PDE4D: variants seen among roughly 807,000 people sequenced by gnomAD.
PDE4D encodes phosphodiesterase 4D, also known as 3',5'-cyclic-AMP phosphodiesterase 4D.
A neutral mutation model predicts 87.4 loss-of-function variants in PDE4D; 24 were observed. The ratio of observed to expected loss-of-function variants is 0.27; its 90% CI spans 0.20 to 0.39. The LOEUF is 0.39. Ranked by LOEUF, PDE4D falls within the 10% of genes least tolerant of loss-of-function variation. The probability of loss-of-function intolerance (pLI) is 1.00; values close to 1 mark genes in which losing one functional copy is unlikely to be tolerated. For missense variants in PDE4D, 714 were observed against 1,041.0 expected, an observed-to-expected ratio of 0.69 and a Z score of 4.32; for synonymous variants, 384 against 383.2, an observed-to-expected ratio of 1.00 and a Z score of -0.02.
At chr5:59,346,435 T>C (rs1329230498) in intron 1 of PDE4D, among the ~76,000 whole-genome samples, 1 of 150,838 alleles carries the variant, frequency 6.6e-6, no homozygotes, top group Admixed American at 6.6e-5. Flanking sequence ...CTGCGAGACT[T>C]TTTTTTTTAA....
At chr5:60,086,986 C>A (rs1774602545) in intron 2 of PDE4D, among the ~76,000 whole-genome samples, 3 of 152,336 alleles carry the variant, frequency 2.0e-5, no homozygotes, top group South Asian at 4.1e-4. Flanking sequence ...CCAGGTGGAG[C>A]TTTCCCCTGG....
chr5:59,493,161 A>C (rs918283571), intron 1 of PDE4D, among the ~76,000 whole-genome samples: 1 of 152,138 alleles, frequency 6.6e-6, no homozygotes, highest in Non-Finnish European at 1.5e-5. Flanking sequence ...TTTTTATTGC[A>C]ATATTTTAGG....
At chr5:59,466,934 G>A (rs767390483) in intron 1 of PDE4D, among the ~76,000 whole-genome samples, 1 of 152,090 alleles carries the variant, frequency 6.6e-6, no homozygotes, top group Non-Finnish European at 1.5e-5. Flanking sequence ...TGAAGTCCTC[G>A]TACCTCAGAA....
Position 59,932,811 on chromosome 5 carries a change from A to G in PDE4D, c.272+55677T>C, listed in dbSNP as rs182413290. On this transcript the variant is annotated intron_variant, in intron 3 of 16. Coordinates refer to the PDE4D transcript ENST00000502484. ...ACATGGAGGGAAACATTTCAGATGA[A>G]GAGATTAGTCAACAAAATTGGGAAA... 1.1e-4 allele frequency among the ~76,000 whole-genome samples: 17 copies of G among 152,358 alleles called. No individual in the cohort carries two copies. In the East Asian group the frequency reaches 3.3e-3, roughly 29 times the overall value.
chr5:59,984,171 C>G (rs1264649197), intron 3 of PDE4D, among the ~76,000 whole-genome samples: 2 of 152,070 alleles, frequency 1.3e-5, no homozygotes, highest in Non-Finnish European at 2.9e-5. Context: ...GATTACATGA[C>G]AGTATAAATA....
At chr5:59,984,091 C>G (rs895428667) in intron 3 of PDE4D, among the ~76,000 whole-genome samples, 1 of 152,096 alleles carries the variant, frequency 6.6e-6, no homozygotes, top group African/African-American at 2.4e-5. Flanking sequence ...ACATACAGTA[C>G]AATTCCATTT....
At chr5:60,047,035 C>G (rs1445098200) in intron 2 of PDE4D, among the ~76,000 whole-genome samples, 1 of 152,196 alleles carries the variant, frequency 6.6e-6, no homozygotes, top group Admixed American at 6.5e-5. Context: ...ATTATTGCCT[C>G]AATTTCAGAG....
chr5:59,762,895 C>CTATATATATATATATA (rs1762344238), intron 1 of PDE4D, among the ~76,000 whole-genome samples: 2 of 51,020 alleles, frequency 3.9e-5, no homozygotes, highest in African/African-American at 6.6e-5. Flanking sequence ...ATATATATAG[C>CTATATATATATATATA]TTGCTCTTTC....
chr5:59,689,545 A>G (rs1750538109), intron 1 of PDE4D, among the ~76,000 whole-genome samples: 1 of 152,200 alleles, frequency 6.6e-6, no homozygotes, highest in South Asian at 2.1e-4. Flanking sequence ...AACTCTCAAT[A>G]AACTAGGCAT....
intron 2 of PDE4D, among the ~76,000 whole-genome samples, chr5:60,057,213 T>C (rs970343623): frequency 1.3e-5 from 2 of 151,978 alleles, no homozygotes; most frequent in Admixed American, 6.6e-5. Context: ...ATCAGGATTA[T>C]CAATGAAGAT....
At chr5:59,387,241 C>T (rs1310168509) in intron 1 of PDE4D, among the ~76,000 whole-genome samples, 2 of 152,076 alleles carry the variant, frequency 1.3e-5, no homozygotes, top group African/African-American at 4.8e-5. Context: ...TGGATATTTA[C>T]AATATTTATT....
At chr5:59,839,218 G>A (rs946453887) in intron 1 of PDE4D, among the ~76,000 whole-genome samples, 16 of 151,556 alleles carry the variant, frequency 1.1e-4, no homozygotes, top group African/African-American at 3.9e-4. Flanking sequence ...GGAGTTCTCA[G>A]CTCTGATGTC....
chr5:59,781,817 C>CAAAAAAAAAA (rs1764666113), intron 1 of PDE4D, among the ~76,000 whole-genome samples: 2 of 88,974 alleles, frequency 2.2e-5, no homozygotes, highest in Non-Finnish European at 4.9e-5. Context: ...AAAAAAAAAT[C>CAAAAAAAAAA]AACTCCTGAT....
intron 1 of PDE4D, among the ~76,000 whole-genome samples, chr5:59,339,919 GGTTT>G (rs1432211402): frequency 2.0e-5 from 3 of 151,462 alleles, no homozygotes; most frequent in African/African-American, 4.9e-5. Flanking sequence ...AAATTTAGTG[GGTTT>G]TTTTGTTGTT....
chr5:59,151,500 G>C (rs965486838), intron 5 of PDE4D, among the ~76,000 whole-genome samples: 2 of 152,130 alleles, frequency 1.3e-5, no homozygotes, highest in African/African-American at 2.4e-5. Flanking sequence ...ACCATAGAAG[G>C]AGGCATTATC....
chr5:59,794,137 G>GCA (rs58204799), intron 1 of PDE4D, among the ~76,000 whole-genome samples: 6,083 of 144,856 alleles, frequency 0.042, 133 homozygotes, highest in East Asian at 0.086. Flanking sequence ...ACACAGAGGC[G>GCA]CACACACACA....
At chr5:60,418,071 C>A (rs187978052) in intron 1 of PDE4D, among the ~76,000 whole-genome samples, 106 of 152,254 alleles carry the variant, frequency 7.0e-4, no homozygotes, top group African/African-American at 2.3e-3. Flanking sequence ...ATCAGAGTCA[C>A]TGTTTCCACA....
intron 1 of PDE4D, among the ~76,000 whole-genome samples, chr5:60,266,998 T>C (rs1750281307): frequency 6.6e-6 from 1 of 152,218 alleles, no homozygotes; most frequent in African/African-American, 2.4e-5. Context: ...ACTATGGTGC[T>C]CTTTCTGCTT....
chr5:59,195,154 C>T (rs1014634550), intron 2 of PDE4D, among the ~76,000 whole-genome samples: 4 of 152,090 alleles, frequency 2.6e-5, no homozygotes, highest in Non-Finnish European at 5.9e-5. Context: ...AAGATATAAA[C>T]TTCTTTTCTA....
Sources: allele counts gnomAD v4.1 joint callset (sites outside exome capture counted in the v4.1 genomes callset), GRCh38; gene constraint gnomAD v4.1.1; transcripts MANE v1.5; gene names NCBI Gene and HGNC (gene_info 2026-07-23, HGNC 2026-07-21).